IL1R1: variants seen among roughly 807,000 people sequenced by gnomAD.
The protein encoded by IL1R1 is interleukin 1 receptor type 1.
Under a neutral mutation model 50.2 loss-of-function variants are expected in IL1R1, and 22 were observed. The ratio of observed to expected loss-of-function variants is 0.44; its 90% CI spans 0.31 to 0.63. The LOEUF (loss-of-function observed/expected upper bound fraction) is 0.63, where lower values mean the gene tolerates loss of function less well. IL1R1 is among the 20% of genes least tolerant of loss of function. IL1R1 has a pLI of 0.07. For synonymous variants in IL1R1, 251 were observed against 236.7 expected (o/e 1.06, Z -0.55); for missense variants, 509 against 676.2 (o/e 0.75, Z 2.74).
chr2:102,083,146 A>G (rs1679288086), intron 1 of IL1R1, among the ~76,000 whole-genome samples: 1 of 152,130 alleles, frequency 6.6e-6, no homozygotes, highest in Non-Finnish European at 1.5e-5. Context: ...TTTCCTGAGG[A>G]CACTTAGTCC....
At chr2:102,170,382 T>C (rs1159850762) in intron 7 of IL1R1, among the ~76,000 whole-genome samples, 1 of 152,184 alleles carries the variant, frequency 6.6e-6, no homozygotes, top group Non-Finnish European at 1.5e-5. Flanking sequence ...CCACTATTAC[T>C]GAGCACAGTC....
upstream of IL1R1, among the ~76,000 whole-genome samples, chr2:102,139,103 C>A (rs1237927240): frequency 3.9e-5 from 6 of 152,058 alleles, no homozygotes; most frequent in Admixed American, 3.3e-4. Flanking sequence ...TAAAGTGGAC[C>A]GAGCTGAAGA....
At chr2:102,153,490 C>A (rs1479620432) in intron 1 of IL1R1, among the ~76,000 whole-genome samples, 4 of 152,116 alleles carry the variant, frequency 2.6e-5, no homozygotes, top group Admixed American at 2.6e-4. Context: ...AATGTCATGA[C>A]CTTTCTGACA....
chr2:102,097,535 T>C (rs1679958652), intron 1 of IL1R1, among the ~76,000 whole-genome samples: 1 of 152,062 alleles, frequency 6.6e-6, no homozygotes, highest in Non-Finnish European at 1.5e-5. Context: ...AAAAAGACTA[T>C]AAAATATTAG....
rs146658499 is a variant in IL1R1 at position 102,120,849 on chromosome 2, C to T, written c.-84+15977C>T. 4.4e-4 allele frequency among the ~76,000 whole-genome samples: 67 copies of T among 152,242 alleles called. No homozygotes were observed. In the Middle Eastern group the frequency reaches 0.014, roughly 31 times the overall value. The stretch of plus-strand genomic sequence containing the variant: ...GGAACACTGCCTAGTACATGGTGTG[C>T]GCACAATAAAAAATTGGTTTAATGA... On this transcript the variant is annotated intron_variant, in intron 1 of 10. Transcript: ENST00000409329.
At chr2:102,099,454 C>T (rs1032747316) in intron 1 of IL1R1, among the ~76,000 whole-genome samples, 1 of 152,130 alleles carries the variant, frequency 6.6e-6, no homozygotes, top group Non-Finnish European at 1.5e-5. Flanking sequence ...GACGTCTATC[C>T]CATGGCCTTC....
At chr2:102,165,797 G>A (rs577583951) in intron 5 of IL1R1, among the ~76,000 whole-genome samples, 41 of 152,256 alleles carry the variant, frequency 2.7e-4, no homozygotes, top group Middle Eastern at 3.4e-3. Flanking sequence ...TACTAAATAC[G>A]TAATATCAAT....
At chr2:102,158,292 T>TA (rs1277747822) in intron 3 of IL1R1, among the ~76,000 whole-genome samples, 1 of 152,194 alleles carries the variant, frequency 6.6e-6, no homozygotes, top group African/African-American at 2.4e-5. Context: ...CACACAGAAA[T>TA]ACCTGCCTGC....
chr2:102,075,100 T>C (rs1678904106), intron 1 of IL1R1, among the ~76,000 whole-genome samples: 2 of 152,216 alleles, frequency 1.3e-5, no homozygotes, highest in Non-Finnish European at 2.9e-5. Flanking sequence ...TGGATTACCT[T>C]GTGTTAACTT....
At chr2:102,175,683 G>A (rs200653915) in intron 11 of IL1R1, 38 bp downstream of exon 11, 2 of 1,580,828 alleles carry the variant, frequency 1.3e-6, no homozygotes, top group Non-Finnish European at 1.7e-6. Context: ...GCTTATTGTT[G>A]TAAAACTACT....
chr2:102,164,259 C>T (rs3917282), intron 3 of IL1R1, among the ~76,000 whole-genome samples: 2,116 of 152,244 alleles, frequency 0.014, 22 homozygotes, highest in East Asian at 0.049. Context: ...AGGTTCTCAG[C>T]TCCATCTCCT....
intron 1 of IL1R1, among the ~76,000 whole-genome samples, chr2:102,090,036 ATG>A (rs1205227224): frequency 2.6e-5 from 4 of 151,212 alleles, no homozygotes; most frequent in Admixed American, 6.6e-5. Flanking sequence ...GGGTTTCACC[ATG>A]TTAGCCAGGA....
chr2:102,170,614 A>C (rs1685587475), intron 7 of IL1R1, among the ~76,000 whole-genome samples: 2 of 152,262 alleles, frequency 1.3e-5, no homozygotes, highest in Non-Finnish European at 2.9e-5. Context: ...TAGAAAACAT[A>C]ATAGGAAACA....
chr2:102,122,163 C>A (rs1439663048), intron 1 of IL1R1, among the ~76,000 whole-genome samples: 1 of 152,228 alleles, frequency 6.6e-6, no homozygotes, highest in Non-Finnish European at 1.5e-5. Flanking sequence ...GTCCATCTCA[C>A]AGGGGCCTGG....
At chr2:102,156,592 A>G (rs1331150009) in intron 2 of IL1R1, among the ~76,000 whole-genome samples, 1 of 151,566 alleles carries the variant, frequency 6.6e-6, no homozygotes, top group Non-Finnish European at 1.5e-5. Context: ...GCTCACTGCA[A>G]CCCCCGCCTC....
chr2:102,139,792 C>G (rs137897424), upstream of IL1R1, among the ~76,000 whole-genome samples: 3 of 152,338 alleles, frequency 2.0e-5, no homozygotes, highest in Admixed American at 6.5e-5. Context: ...GAGGCCTCCT[C>G]AGAAGCCCAA....
chr2:102,115,264 A>C (rs897462236), intron 1 of IL1R1, among the ~76,000 whole-genome samples: 1 of 152,190 alleles, frequency 6.6e-6, no homozygotes, highest in Admixed American at 6.5e-5. Context: ...GTAAACAAGA[A>C]GCTGGTTAGA....
At chr2:102,092,656 C>T (rs969018783) in intron 1 of IL1R1, among the ~76,000 whole-genome samples, 12 of 152,062 alleles carry the variant, frequency 7.9e-5, no homozygotes, top group African/African-American at 2.2e-4. Flanking sequence ...ATATAAACTC[C>T]GAGAACAGGG....
intron 1 of IL1R1, among the ~76,000 whole-genome samples, chr2:102,082,270 A>G (rs1228957964): frequency 7.0e-6 from 1 of 142,888 alleles, no homozygotes; most frequent in East Asian, 2.0e-4. Flanking sequence ...GATAAATCTA[A>G]TCCTTTAATT....
Sources: allele counts gnomAD v4.1 joint callset (sites outside exome capture counted in the v4.1 genomes callset), GRCh38; gene constraint gnomAD v4.1.1; transcripts MANE v1.5; gene names NCBI Gene and HGNC (gene_info 2026-07-23, HGNC 2026-07-21).